The following KLC4 variants were observed in gnomAD, a reference collection of about 807,000 sequenced individuals.
The protein encoded by KLC4 is kinesin-like protein 8.
KLC4 carries 49 observed loss-of-function variants against 77.2 expected under a neutral mutation model. That is an observed-to-expected ratio of 0.63 (90% confidence interval 0.50 to 0.80). KLC4 has a LOEUF of 0.80. Among genes scored for constraint, KLC4 ranks in the 30% least tolerant of loss-of-function variants. KLC4 has a pLI of 0.00. For synonymous variants in KLC4, 274 were observed against 314.5 expected, an observed-to-expected ratio of 0.87 and a Z score of 1.36; for missense variants, 669 against 793.5, an observed-to-expected ratio of 0.84 and a Z score of 1.89.
chr6:43,060,474 G>T, intron 1 of KLC4: 1 of 1,378,716 alleles, frequency 7.3e-7, no homozygotes, highest in Non-Finnish European at 9.4e-7. Context: ...CTGTGAAGTG[G>T]TGAAAGAAGG....
In KLC4 at chr6:43,072,258, C is replaced by T. The variant is rs201158357; in HGVS notation, c.1488+3C>T. 1 of 1,610,226 alleles carries T rather than the reference C, an allele frequency of 6.2e-7. No individual in the cohort carries two copies. On this transcript the variant is annotated splice_donor_region_variant and intron_variant, in intron 12 of 15. Coordinates refer to ENST00000347162, the MANE Select transcript of KLC4 (RefSeq NM_201521.3). ...GTGCCCTGCGGTCCCGGAGACAGGT[C>T]AGAAGCCCAGAGGGGAAGGAGGTCC...
Position 43,071,602 on chromosome 6 carries a change from C to G in KLC4, c.1291C>G (p.Arg431Gly). The change falls in exon 10 of 16, where the codon CGG becomes GGG. Residue 431 changes from arginine (R) to glycine (G), a missense_variant. Coordinates refer to ENST00000347162, the MANE Select transcript of KLC4 (RefSeq NM_201521.3). ...HKPIWMHAEE[R>G]EEMSKSRHHE... ...GCCCATCTGGATGCATGCAGAGGAG[C>G]GGGAGGAAATGAGCAAAGTGAGTGG... 5 of 1,613,534 alleles carry G rather than the reference C, an allele frequency of 3.1e-6. No homozygotes were observed. Among genetic ancestry groups the G allele is most frequent in the Non-Finnish European group, 4.2e-6 (5 of 1,179,882 alleles).
intron 6 of KLC4, among the ~76,000 whole-genome samples, chr6:43,069,260 T>C (rs1035875767): frequency 5.3e-5 from 8 of 151,340 alleles, no homozygotes; most frequent in Non-Finnish European, 1.0e-4. Context: ...TGTTTTGTTT[T>C]TTGAGATGGA....
At position 43,073,896 on chromosome 6, in the gene KLC4, T is replaced by A; in HGVS notation, c.1746-6T>A. 7 of 1,614,050 alleles carry A rather than the reference T, an allele frequency of 4.3e-6. No individual in the cohort carries two copies. The highest frequency in any genetic ancestry group is 5.9e-6 in the Non-Finnish European group (7 of 1,179,926). On this transcript the variant is annotated splice_region_variant and splice_polypyrimidine_tract_variant and intron_variant, in intron 14 of 15. Transcript: ENST00000347162. ...GAGGCCTCAATTCTTCCGTTTTCCATTGTAGCAGCAACATGAAGCGAGCAG... is the reference window on the plus strand; with the variant it reads ...GAGGCCTCAATTCTTCCGTTTTCCAATGTAGCAGCAACATGAAGCGAGCAG...
At chr6:43,072,416 A>G (rs1765778206) in intron 12 of KLC4, among the ~76,000 whole-genome samples, 161 bp downstream of exon 12, 1 of 152,138 alleles carries the variant, frequency 6.6e-6, no homozygotes, top group South Asian at 2.1e-4. Flanking sequence ...GTTTTTAAGC[A>G]TGTTCTTACC....
chr6:43,059,842 T>C, intron 1 of KLC4, 157 bp downstream of exon 1: 9 of 1,166,216 alleles, frequency 7.7e-6, no homozygotes, highest in Non-Finnish European at 9.6e-6. Flanking sequence ...CCCCTCGGCG[T>C]CCAGACAGAT....
Position 43,061,501 on chromosome 6 carries a change from C to G in KLC4, c.166C>G (p.Gln56Glu). 2 of 1,614,136 alleles carry G rather than the reference C, an allele frequency of 1.2e-6. No homozygotes were observed. The highest frequency in any genetic ancestry group is 1.7e-6 in the Non-Finnish European group (2 of 1,179,992). Residue 56 changes from glutamine (Q) to glutamate (E), a missense_variant, in exon 2 of 16, where the codon CAG becomes GAG. Gln to Glu is a conservative substitution (Grantham distance 29). Coordinates refer to ENST00000347162, the MANE Select transcript of KLC4 (RefSeq NM_201521.3). ...SLSQTIECLQ[Q>E]GGHEEGLVHE... Reference sequence around the variant, plus strand: ...GTCCCAGACCATTGAGTGTCTGCAGCAGGGAGGCCATGAGGAAGGGCTGGT... The same window carrying G: ...GTCCCAGACCATTGAGTGTCTGCAGGAGGGAGGCCATGAGGAAGGGCTGGT...
At chr6:43,070,907 G>C in intron 8 of KLC4, 42 bp downstream of exon 8, 5 of 595,094 alleles carry the variant, frequency 8.4e-6, no homozygotes, top group African/African-American at 2.3e-5. Context: ...AACGGAGAGG[G>C]GGGCACAGAG....
In KLC4 at chr6:43,061,440, C is replaced by T. The variant is rs1368358402; in HGVS notation, c.105C>T (p.Ala35=). ...GGCTGGTCAGCCAAGGGCTAGAGGC[C>T]CTACGCAGTGAACACCAGGCCGTGC... ...STRLVSQGLE[A]LRSEHQAVLQ... is the part of the protein sequence containing the mutation. Residue 35 remains alanine (A), a synonymous_variant, in exon 2 of 16, where the codon GCC becomes GCT. Transcript: ENST00000347162. 1.9e-6 allele frequency: 3 copies of T among 1,614,190 alleles called. No homozygotes were observed. Among genetic ancestry groups the T allele is most frequent in the South Asian group, 1.1e-5 (1 of 91,088 alleles).
At chr6:43,066,823 C>T (rs771529412) in intron 5 of KLC4, among the ~76,000 whole-genome samples, 173 bp from the exon 6 acceptor site, 4 of 152,172 alleles carry the variant, frequency 2.6e-5, no homozygotes, top group South Asian at 2.1e-4. Flanking sequence ...ATGGCAGTGC[C>T]CTGCATTCTG....
Position 43,070,351 on chromosome 6 carries a change from T to C in KLC4, c.880-3T>C. On this transcript the variant is annotated splice_region_variant and splice_polypyrimidine_tract_variant and intron_variant, in intron 6 of 15. Transcript: ENST00000347162. ...TCTGATGGGGACAGGCCTGTCTTCATAGGTGGCTGCCACACTCAACAATTT... is the reference window on the plus strand; with the variant it reads ...TCTGATGGGGACAGGCCTGTCTTCACAGGTGGCTGCCACACTCAACAATTT... The C allele has an allele frequency of 1.9e-6, 3 of 1,611,938 alleles. No individual in the cohort carries two copies. Among genetic ancestry groups the C allele is most frequent in the Non-Finnish European group, 2.5e-6 (3 of 1,178,058 alleles).
chr6:43,064,652 G>A (rs144502041), intron 3 of KLC4, among the ~76,000 whole-genome samples: 19 of 152,322 alleles, frequency 1.2e-4, no homozygotes, highest in African/African-American at 4.6e-4. Context: ...GGAAGAGGGA[G>A]CAGCTTTTTA....
At chr6:43,067,140 T>TG in intron 6 of KLC4, 57 bp downstream of exon 6, 1 of 1,595,276 alleles carries the variant, frequency 6.3e-7, no homozygotes, top group Non-Finnish European at 8.5e-7. Flanking sequence ...ATTGCTGTTT[T>TG]GGCCTCTCTT....
Position 43,072,906 on chromosome 6 carries a change from G to C in KLC4, c.1571G>C (p.Gly524Ala), listed in dbSNP as rs954594440. ...AGAAGGACCTCCCAGGAGGGCCCTG[G>C]AGACAGTGTGAAATTCGAGGGAGGT... is the stretch of plus-strand genomic sequence containing the variant. ...DGRRTSQEGP[G>A]DSVKFEGGED... is the part of the protein sequence containing the mutation. Residue 524 changes from glycine to alanine, a missense_variant, in exon 13 of 16, where the codon GGA becomes GCA. Transcript: ENST00000347162. 4 of 1,611,294 alleles carry C rather than the reference G, an allele frequency of 2.5e-6. No individual in the cohort carries two copies. Among genetic ancestry groups the C allele is most frequent in the Non-Finnish European group, 3.4e-6 (4 of 1,179,098 alleles).
intron 12 of KLC4, 71 bp downstream of exon 12, chr6:43,072,326 TG>T (rs1417872305): frequency 8.6e-7 from 1 of 1,163,020 alleles, no homozygotes; most frequent in East Asian, 2.4e-5. Flanking sequence ...CGAGGTTTCT[TG>T]GGAGTCTCCT....
At chr6:43,071,438 G>T (rs1765717892) in intron 9 of KLC4, 64 bp downstream of exon 9, 2 of 1,550,618 alleles carry the variant, frequency 1.3e-6, no homozygotes, top group African/African-American at 1.4e-5. Flanking sequence ...CAAAGGTCGG[G>T]GGTTAGGCCA....
rs967771676 is a variant in KLC4 at position 43,071,822 on chromosome 6, C to T, written c.1309-30C>T. On this transcript the variant is annotated intron_variant, in intron 10 of 15. Transcript: ENST00000347162. ...TATTCTTATATTTGGCTCTCCCTGC[C>T]CTTCTTTCTGGCCTCTCTCTGTCCT... 3.7e-6 allele frequency: 6 copies of T among 1,605,732 alleles called. No individual in the cohort carries two copies. In the Admixed American group the frequency reaches 5.1e-5, roughly 14 times the overall value.
At position 43,073,211 on chromosome 6, in the gene KLC4, C is replaced by T. The variant is rs1401033234; in HGVS notation, c.1630-12C>T. 1.2e-6 allele frequency: 2 copies of T among 1,607,260 alleles called. No individual in the cohort carries two copies. The highest frequency in any genetic ancestry group is 1.7e-5 in the Admixed American group (1 of 59,968). On this transcript the variant is annotated splice_polypyrimidine_tract_variant and intron_variant, in intron 13 of 15. Transcript: ENST00000347162. ...ATCCTTGTAGCTTTCATTGCTCACT[C>T]CTTTCTGCCAGGATGGCAGTGGGAC... is the stretch of plus-strand genomic sequence containing the variant.
In KLC4 at chr6:43,074,765, TG is replaced by T. The variant is rs1397595383; in HGVS notation, c.*96del. The T allele has an allele frequency of 1.0e-5, 11 of 1,058,596 alleles. No homozygotes were observed. The highest frequency in any genetic ancestry group is 3.0e-6 in the Non-Finnish European group (2 of 677,360). 65.6% of individuals were successfully genotyped at this position (1,058,596 alleles called of 1,614,324 possible). On this transcript the variant is annotated 3_prime_UTR_variant, in exon 16 of 16. Transcript: ENST00000347162. ...CTCCTGGCTCTTCCCCACCCCTAGG[TG>T]GGACAGTGAAGGGGAGCAGTTTAAC...
Sources: gnomAD v4.1 joint callset for allele counts (sites outside exome capture counted in the v4.1 genomes callset) on GRCh38, gnomAD v4.1.1 for gene constraint, MANE v1.5 for transcripts, NCBI Gene and HGNC (gene_info 2026-07-23, HGNC 2026-07-21) for gene names.